Variants in CDH18 observed in about 807,000 individuals in gnomAD.
CDH18 encodes cadherin-18.
A neutral mutation model predicts 67.9 loss-of-function variants in CDH18; 31 were observed. The observed-to-expected ratio is 0.46, with a 90% CI of 0.34 to 0.62. The LOEUF (loss-of-function observed/expected upper bound fraction) is 0.62. Ranked by LOEUF, CDH18 falls within the 20% of genes least tolerant of loss-of-function variation. CDH18 has a pLI of 0.01. For synonymous variants in CDH18, 362 were observed against 347.2 expected (o/e 1.04, Z -0.48); for missense variants, 890 against 975.5 (o/e 0.91, Z 1.17).
chr5:20,443,023 A>C (rs1459236289), intron 1 of CDH18, among the ~76,000 whole-genome samples: 2 of 150,496 alleles, frequency 1.3e-5, no homozygotes, highest in Non-Finnish European at 1.5e-5. Context: ...TCCCGGCTAA[A>C]ACGGTGAAAC....
intron 11 of CDH18, among the ~76,000 whole-genome samples, chr5:19,488,476 A>C (rs966116999): frequency 2.0e-5 from 3 of 152,188 alleles, no homozygotes; most frequent in Non-Finnish European, 4.4e-5. Flanking sequence ...AAAATTTTTT[A>C]ATGTGTATGA....
chr5:20,230,607 A>G (rs1043963868), intron 2 of CDH18, among the ~76,000 whole-genome samples: 1 of 151,988 alleles, frequency 6.6e-6, no homozygotes, highest in Non-Finnish European at 1.5e-5. Flanking sequence ...TACCCATCAC[A>G]TACATACCTT....
At chr5:19,666,636 A>G (rs1308437363) in intron 5 of CDH18, among the ~76,000 whole-genome samples, 1 of 152,050 alleles carries the variant, frequency 6.6e-6, no homozygotes, top group Non-Finnish European at 1.5e-5. Context: ...GTAGACAGAA[A>G]CAGCACTATG....
intron 2 of CDH18, among the ~76,000 whole-genome samples, chr5:20,066,448 C>A (rs1181866857): frequency 6.6e-6 from 1 of 152,022 alleles, no homozygotes; most frequent in Non-Finnish European, 1.5e-5. Flanking sequence ...CTTAGCATGT[C>A]AACTTCTTTT....
intron 5 of CDH18, among the ~76,000 whole-genome samples, chr5:19,628,477 A>G (rs938945552): frequency 1.3e-5 from 2 of 152,184 alleles, no homozygotes; most frequent in Non-Finnish European, 2.9e-5. Flanking sequence ...AAATAAAGTT[A>G]GTTAAAATAG....
chr5:20,286,265 TTTAAGA>T (rs1346878296), intron 1 of CDH18, among the ~76,000 whole-genome samples: 1 of 151,626 alleles, frequency 6.6e-6, no homozygotes, highest in Non-Finnish European at 1.5e-5. Context: ...AATGGAGACA[TTTAAGA>T]TTAACATTTA....
chr5:19,965,496 T>C lies in CDH18; in HGVS notation c.-257+15564A>G, dbSNP rs184005629. ...AAAATATGGAAACACACTCCCCTGA[T>C]ACAGGAAATGACAAGCAGATAATTA... On this transcript the variant is annotated intron_variant, in intron 2 of 12. Transcript: ENST00000382275. 2.0e-5 allele frequency among the ~76,000 whole-genome samples: 3 copies of C among 152,318 alleles called. No homozygotes were observed. In the East Asian group the frequency reaches 5.8e-4, roughly 29 times the overall value.
intron 2 of CDH18, among the ~76,000 whole-genome samples, chr5:20,177,764 T>C (rs1737355885): frequency 6.6e-6 from 1 of 152,126 alleles, no homozygotes; most frequent in Non-Finnish European, 1.5e-5. Context: ...TCCCCCATAC[T>C]GATCTCAGGG....
Position 19,839,208 on chromosome 5 carries a change from T to C in CDH18, c.-222A>G, listed in dbSNP as rs1181601874. The C allele has an allele frequency of 4.0e-6, 2 of 503,486 alleles. No homozygotes were observed. Among genetic ancestry groups the C allele is most frequent in the African/African-American group, 3.8e-5 (2 of 52,424 alleles). 31.2% of individuals were successfully genotyped at this position (503,486 alleles called of 1,614,324 possible). ...AGCCGTAGTTGTCTGATTCCAACTC[T>C]TCACAGTAGTTGAACACAAGCAACC... On this transcript the variant is annotated 5_prime_UTR_variant, in exon 3 of 13. Transcript: ENST00000382275.
intron 11 of CDH18, among the ~76,000 whole-genome samples, chr5:19,487,157 G>A (rs1413747859): frequency 1.3e-5 from 2 of 152,160 alleles, no homozygotes; most frequent in African/African-American, 2.4e-5. Context: ...GTATCACATA[G>A]GGAGGATCTT....
chr5:19,501,475 G>C (rs563267744), intron 11 of CDH18, among the ~76,000 whole-genome samples: 7 of 140,954 alleles, frequency 5.0e-5, no homozygotes, highest in African/African-American at 1.8e-4. Context: ...CAAAAAACTA[G>C]CCAGGCATGG....
intron 2 of CDH18, among the ~76,000 whole-genome samples, chr5:19,869,012 T>C (rs1197578256): frequency 6.6e-6 from 1 of 152,104 alleles, no homozygotes; most frequent in African/African-American, 2.4e-5. Flanking sequence ...CATAACATCA[T>C]TAAGGGACAA....
At chr5:19,998,457 A>G (rs1000383890) in intron 2 of CDH18, among the ~76,000 whole-genome samples, 9 of 152,188 alleles carry the variant, frequency 5.9e-5, no homozygotes, top group African/African-American at 2.2e-4. Context: ...GTTTGAAGGA[A>G]GGAGATAATA....
chr5:20,129,723 A>G (rs1244511548), intron 2 of CDH18, among the ~76,000 whole-genome samples: 1 of 152,072 alleles, frequency 6.6e-6, no homozygotes, highest in Non-Finnish European at 1.5e-5. Context: ...AAGAACATAA[A>G]ATAAGAGTTA....
At chr5:20,032,219 A>G (rs1448566012) in intron 2 of CDH18, among the ~76,000 whole-genome samples, 4 of 151,124 alleles carry the variant, frequency 2.6e-5, no homozygotes, top group Non-Finnish European at 4.4e-5. Context: ...TGTATTATAT[A>G]TGTACATATA....
At chr5:19,579,136 T>G (rs1451343167) in intron 7 of CDH18, among the ~76,000 whole-genome samples, 1 of 152,012 alleles carries the variant, frequency 6.6e-6, no homozygotes, top group African/African-American at 2.4e-5. Flanking sequence ...AAATACTTTA[T>G]CTATCACAGA....
intron 1 of CDH18, among the ~76,000 whole-genome samples, chr5:20,438,364 A>G (rs910597949): frequency 6.6e-6 from 1 of 151,110 alleles, no homozygotes; most frequent in Non-Finnish European, 1.5e-5. Context: ...TCAGGTATCT[A>G]TATACCCCAC....
chr5:19,620,063 C>T, intron 5 of CDH18, among the ~76,000 whole-genome samples: 1 of 152,164 alleles, frequency 6.6e-6, no homozygotes, highest in East Asian at 1.9e-4. Context: ...ACACAAGCTA[C>T]TTAGCTGCAA....
At chr5:20,556,111 G>T (rs1255425037) in intron 1 of CDH18, among the ~76,000 whole-genome samples, 1 of 152,082 alleles carries the variant, frequency 6.6e-6, no homozygotes, top group African/African-American at 2.4e-5. Flanking sequence ...ACTGTCAATT[G>T]TTCTACATAT....
Sources: allele counts gnomAD v4.1 joint callset (sites outside exome capture counted in the v4.1 genomes callset), GRCh38; gene constraint gnomAD v4.1.1; transcripts MANE v1.5; gene names NCBI Gene and HGNC (gene_info 2026-07-23, HGNC 2026-07-21).